The following KANSL1 variants were observed in gnomAD, a reference collection of about 807,000 sequenced individuals.
KANSL1 encodes the protein KAT8 regulatory NSL complex subunit 1.
KANSL1 carries 22 observed loss-of-function variants against 103.6 expected under a neutral mutation model. The observed-to-expected ratio is 0.21, with a 90% CI of 0.15 to 0.30. The LOEUF (loss-of-function observed/expected upper bound fraction) is 0.30. KANSL1 is among the 10% of genes least tolerant of loss of function. The probability of loss-of-function intolerance (pLI) is 1.00; values close to 1 mark genes in which losing one functional copy is unlikely to be tolerated. For missense variants in KANSL1, 1,337 were observed against 1,399.8 expected (o/e 0.96, Z 0.72); for synonymous variants, 600 against 527.6 (o/e 1.14, Z -1.88).
chr17:46,116,518 C>T (rs937465355), intron 2 of KANSL1, among the ~76,000 whole-genome samples: 1 of 151,602 alleles, frequency 6.6e-6, no homozygotes, highest in Non-Finnish European at 1.5e-5. Flanking sequence ...CAACAGAGCG[C>T]GACTCCGTCT....
chr17:46,089,108 C>T (rs1481657466), intron 3 of KANSL1, among the ~76,000 whole-genome samples: 1 of 152,196 alleles, frequency 6.6e-6, no homozygotes, highest in African/African-American at 2.4e-5. Context: ...ATGAGTAAAC[C>T]TTTAATTAGT....
intron 4 of KANSL1, among the ~76,000 whole-genome samples, chr17:46,068,988 T>C (rs567950770): frequency 2.0e-5 from 3 of 152,280 alleles, no homozygotes; most frequent in East Asian, 3.9e-4. Flanking sequence ...TGCAGTGGCA[T>C]GATAGCAGCT....
At chr17:46,203,277 G>GA (rs2047864553) in intron 1 of KANSL1, among the ~76,000 whole-genome samples, 2 of 152,120 alleles carry the variant, frequency 1.3e-5, no homozygotes, top group Non-Finnish European at 2.9e-5. Flanking sequence ...CAGAGGGTAG[G>GA]AAAAAACAAC....
chr17:46,133,216 G>C (rs1257716123), intron 2 of KANSL1, among the ~76,000 whole-genome samples: 1 of 152,192 alleles, frequency 6.6e-6, no homozygotes. Context: ...CAAGTTGTAT[G>C]TGATCCCAAA....
At chr17:46,209,051 C>T (rs1285023333) in intron 1 of KANSL1, among the ~76,000 whole-genome samples, 2 of 151,730 alleles carry the variant, frequency 1.3e-5, no homozygotes, top group Admixed American at 6.6e-5. Flanking sequence ...GGCGTGATGG[C>T]GCATGCCTGC....
intron 2 of KANSL1, among the ~76,000 whole-genome samples, chr17:46,095,930 T>C (rs2042042052): frequency 6.6e-6 from 1 of 152,168 alleles, no homozygotes; most frequent in Non-Finnish European, 1.5e-5. Flanking sequence ...GGTTAAAATA[T>C]AAATATTAGG....
chr17:46,121,534 C>G (rs1375228567), intron 2 of KANSL1, among the ~76,000 whole-genome samples: 1 of 152,214 alleles, frequency 6.6e-6, no homozygotes, highest in African/African-American at 2.4e-5. Flanking sequence ...CATAGTTAGG[C>G]CTTTTTCCCT....
intron 3 of KANSL1, among the ~76,000 whole-genome samples, chr17:46,084,619 T>C (rs2316955): frequency 2.7e-5 from 4 of 148,806 alleles, no homozygotes; most frequent in East Asian, 2.0e-4. Context: ...GAGGTGTAGG[T>C]TGCAGTGAGC....
intron 7 of KANSL1, among the ~76,000 whole-genome samples, chr17:46,049,240 C>CATT: frequency 1.3e-5 from 1 of 75,770 alleles, no homozygotes; most frequent in South Asian, 4.7e-4. Flanking sequence ...CATCCAAGAC[C>CATT]TTTTTTTTTT....
intron 2 of KANSL1, among the ~76,000 whole-genome samples, chr17:46,123,633 C>A (rs2043384068): frequency 6.6e-6 from 1 of 152,220 alleles, no homozygotes; most frequent in Admixed American, 6.5e-5. Context: ...CACAACATTC[C>A]ATTAAACTGA....
At chr17:46,181,072 T>A (rs1436902260) in intron 1 of KANSL1, among the ~76,000 whole-genome samples, 3 of 152,066 alleles carry the variant, frequency 2.0e-5, no homozygotes, top group African/African-American at 7.3e-5. Context: ...AATGAGAACT[T>A]CAACCAGAAA....
intron 6 of KANSL1, among the ~76,000 whole-genome samples, chr17:46,064,450 A>T (rs2078300097): frequency 6.6e-6 from 1 of 151,776 alleles, no homozygotes; most frequent in South Asian, 2.1e-4. Flanking sequence ...GGTTCCCTCA[A>T]TTCCTTCTGT....
At chr17:46,183,902 G>A (rs2046904843) in intron 1 of KANSL1, among the ~76,000 whole-genome samples, 1 of 152,164 alleles carries the variant, frequency 6.6e-6, no homozygotes, top group Admixed American at 6.5e-5. Flanking sequence ...GACAGAATGA[G>A]ACTGTCTCCA....
At chr17:46,107,209 GA>G (rs1249246247) in intron 2 of KANSL1, among the ~76,000 whole-genome samples, 2 of 152,234 alleles carry the variant, frequency 1.3e-5, no homozygotes, top group Admixed American at 1.3e-4. Context: ...CAGCAAGGGG[GA>G]TGGATCAGGA....
chr17:46,075,438 G>C (rs774800971), intron 4 of KANSL1, among the ~76,000 whole-genome samples: 1 of 120,910 alleles, frequency 8.3e-6, no homozygotes, highest in Non-Finnish European at 2.1e-5. Flanking sequence ...CTGGGTTCAA[G>C]TGATTCTTGT....
chr17:46,059,808 A>C (rs2078093316), intron 6 of KANSL1, among the ~76,000 whole-genome samples: 1 of 152,026 alleles, frequency 6.6e-6, no homozygotes, highest in Non-Finnish European at 1.5e-5. Flanking sequence ...TCTGCCTCCC[A>C]GCTTCAAACC....
intron 4 of KANSL1, among the ~76,000 whole-genome samples, chr17:46,077,715 G>A (rs2078835045): frequency 1.3e-5 from 2 of 151,936 alleles, no homozygotes; most frequent in Admixed American, 6.6e-5. Context: ...CTGCCACCAC[G>A]CTTGGATAAT....
At chr17:46,071,986 C>CCCCCCCCCCCCCCG (rs754370743) in intron 4 of KANSL1, among the ~76,000 whole-genome samples, 3 of 142,664 alleles carry the variant, frequency 2.1e-5, no homozygotes, top group Non-Finnish European at 4.5e-5. Flanking sequence ...CCCCCCACCC[C>CCCCCCCCCCCCCCG]TCCCCCCGCC....
intron 2 of KANSL1, 128 bp from the exon 3 acceptor site, chr17:46,094,829 A>G (rs924300368): frequency 3.7e-5 from 40 of 1,091,174 alleles, no homozygotes; most frequent in Admixed American, 1.2e-4. Flanking sequence ...AGAAAAACCC[A>G]AGAGAGAGAC....
Sources: allele counts gnomAD v4.1 joint callset (sites outside exome capture counted in the v4.1 genomes callset), GRCh38; gene constraint gnomAD v4.1.1; transcripts MANE v1.5; gene names NCBI Gene and HGNC (gene_info 2026-07-23, HGNC 2026-07-21).